Variants in STAM observed in about 807,000 individuals in gnomAD.
STAM encodes the protein signal transducing adaptor molecule.
Under a neutral mutation model 63.4 loss-of-function variants are expected in STAM, and 16 were observed. The ratio of observed to expected loss-of-function variants is 0.25; its 90% confidence interval spans 0.17 to 0.38. The LOEUF is 0.38. Ranked by LOEUF, STAM falls within the 10% of genes least tolerant of loss-of-function variation. The pLI is 1.00. For missense variants in STAM, 636 were observed against 657.1 expected, an observed-to-expected ratio of 0.97 and a Z score of 0.35; for synonymous variants, 238 against 223.9, an observed-to-expected ratio of 1.06 and a Z score of -0.56.
intron 2 of STAM, among the ~76,000 whole-genome samples, chr10:17,678,162 A>G (rs1395393625): frequency 6.6e-6 from 1 of 151,954 alleles, no homozygotes; most frequent in Admixed American, 6.6e-5. Context: ...CCACTAATCT[A>G]CTTTCTATCT....
At chr10:17,687,629 A>G (rs1039498922) in intron 4 of STAM, among the ~76,000 whole-genome samples, 1 of 152,274 alleles carries the variant, frequency 6.6e-6, no homozygotes, top group Non-Finnish European at 1.5e-5. Context: ...GAAAAAATGC[A>G]TAGTCATGAA....
intron 11 of STAM, 38 bp from the exon 12 acceptor site, chr10:17,705,550 G>A (rs782692573): frequency 2.5e-6 from 4 of 1,583,726 alleles, no homozygotes; most frequent in East Asian, 2.3e-5. Flanking sequence ...TATCATTTTA[G>A]TAACAGCTAT....
chr10:17,666,636 A>C (rs1038788388), intron 2 of STAM, among the ~76,000 whole-genome samples: 1 of 151,962 alleles, frequency 6.6e-6, no homozygotes, highest in African/African-American at 2.4e-5. Context: ...TGACCTTGTG[A>C]TCTGCCCGCC....
intron 1 of STAM, among the ~76,000 whole-genome samples, chr10:17,659,779 T>C (rs1834090894): frequency 6.6e-6 from 1 of 152,180 alleles, no homozygotes; most frequent in Non-Finnish European, 1.5e-5. Context: ...GCTGTTTTTT[T>C]CTTTATGTAG....
chr10:17,700,426 G>A (rs1835941087), intron 9 of STAM, 147 bp downstream of exon 9: 3 of 548,148 alleles, frequency 5.5e-6, no homozygotes, highest in Non-Finnish European at 3.1e-6. Flanking sequence ...AGACGATGCA[G>A]ACTGTTTTTT....
chr10:17,707,130 C>T (rs1215765087), intron 12 of STAM, among the ~76,000 whole-genome samples: 1 of 152,088 alleles, frequency 6.6e-6, no homozygotes, highest in African/African-American at 2.4e-5. Flanking sequence ...CAGATACTGG[C>T]CGGGTGCGGT....
intron 12 of STAM, among the ~76,000 whole-genome samples, chr10:17,708,407 A>G (rs1836395727): frequency 6.6e-6 from 1 of 152,248 alleles, no homozygotes; most frequent in African/African-American, 2.4e-5. Flanking sequence ...GTCTATGGCT[A>G]CAAAACAATG....
In STAM at chr10:17,708,910, C is replaced by T; in HGVS notation, c.1344C>T (p.Asn448=). The T allele has an allele frequency of 6.2e-7, 1 of 1,614,156 alleles. No individual in the cohort carries two copies. The highest frequency in any genetic ancestry group is 8.5e-7 in the Non-Finnish European group (1 of 1,180,010). Residue 448 remains asparagine (N), a synonymous_variant, in exon 13 of 14, where the codon AAC becomes AAT. Coordinates refer to ENST00000377524, the MANE Select transcript of STAM (RefSeq NM_003473.4). ...LSQAVVPPSA[N]PALPSQQTQA... ...AGGCAGTGGTCCCACCATCCGCAAACCCAGCCCTTCCTAGTCAGCAGACTC... is the reference window on the plus strand; with the variant it reads ...AGGCAGTGGTCCCACCATCCGCAAATCCAGCCCTTCCTAGTCAGCAGACTC...
At position 17,708,803 on chromosome 10, in the gene STAM, G is replaced by A; in HGVS notation, c.1237G>A (p.Ala413Thr). 1 of 1,613,918 alleles carries A rather than the reference G, an allele frequency of 6.2e-7. No individual in the cohort carries two copies. The highest frequency in any genetic ancestry group is 8.5e-7 in the Non-Finnish European group (1 of 1,179,854). ...GTATGCAGGGCCTCCTCCAAGTGGTGCCTACCTGGTTGCAGGGAACGCGCA... is the reference window on the plus strand; with the variant it reads ...GTATGCAGGGCCTCCTCCAAGTGGTACCTACCTGGTTGCAGGGAACGCGCA... Reference protein sequence around the residue: ...QVYAGPPPSGAYLVAGNAQMS... With the variant: ...QVYAGPPPSGTYLVAGNAQMS... Residue 413 changes from alanine (A) to threonine (T), a missense_variant, in exon 13 of 14, where the codon GCC (alanine) becomes ACC (threonine). Ala to Thr is a moderately conservative substitution (Grantham distance 58). This residue lies in a region of STAM where 532 missense variants were observed against 536.9 expected (regional missense o/e 0.99). Transcript: ENST00000377524.
At chr10:17,687,916 C>G in intron 4 of STAM, 111 bp from the exon 5 acceptor site, 1 of 882,256 alleles carries the variant, frequency 1.1e-6, no homozygotes, top group Non-Finnish European at 1.6e-6. Context: ...TATAGCTATG[C>G]ATAACTTGTG....
chr10:17,700,734 A>G (rs567377015), intron 9 of STAM, among the ~76,000 whole-genome samples: 2 of 152,302 alleles, frequency 1.3e-5, no homozygotes, highest in South Asian at 2.1e-4. Context: ...ACTCGTATTC[A>G]TATCATGCGA....
chr10:17,714,874 T>G lies in STAM; in HGVS notation c.*94T>G. 8.3e-7 allele frequency: 1 copy of G among 1,210,104 alleles called. No individual in the cohort carries two copies. Among genetic ancestry groups the G allele is most frequent in the Non-Finnish European group, 1.2e-6 (1 of 825,212 alleles). 75.0% of individuals were successfully genotyped at this position (1,210,104 alleles called of 1,614,324 possible). ...ATCTTAAGATGTGTTTATCCTCAGCTTATAGGAATCTCTCCAGGTCAACAG... is the reference window on the plus strand; with the variant it reads ...ATCTTAAGATGTGTTTATCCTCAGCGTATAGGAATCTCTCCAGGTCAACAG... On this transcript the variant is annotated 3_prime_UTR_variant, in exon 14 of 14. Coordinates refer to ENST00000377524, the MANE Select transcript of STAM (RefSeq NM_003473.4).
At chr10:17,662,215 T>G (rs1409873232) in intron 2 of STAM, among the ~76,000 whole-genome samples, 1 of 152,180 alleles carries the variant, frequency 6.6e-6, no homozygotes, top group East Asian at 1.9e-4. Context: ...CATTTTCATT[T>G]TTTTCCCTCC....
chr10:17,667,747 G>A (rs1238085785), intron 2 of STAM, among the ~76,000 whole-genome samples: 3 of 152,206 alleles, frequency 2.0e-5, no homozygotes, highest in East Asian at 1.9e-4. Flanking sequence ...AGGGGGTTAC[G>A]TTTATGCTAT....
chr10:17,650,751 C>T (rs568035686), intron 1 of STAM, among the ~76,000 whole-genome samples: 14 of 152,164 alleles, frequency 9.2e-5, no homozygotes, highest in African/African-American at 3.1e-4. Flanking sequence ...TGAATGTACG[C>T]GTGGCCCCTC....
In STAM at chr10:17,708,850, C is replaced by T. The variant is rs201938565; in HGVS notation, c.1284C>T (p.Tyr428=). 9.9e-6 allele frequency: 16 copies of T among 1,614,176 alleles called. No homozygotes were observed. In the East Asian group the frequency reaches 2.5e-4, roughly 25 times the overall value. Reference sequence around the variant, plus strand: ...CGCAGATGAGCCACCTCCAGAGCTACAGTCTTCCCCCGGAGCAGCTGTCTT... The same window carrying T: ...CGCAGATGAGCCACCTCCAGAGCTATAGTCTTCCCCCGGAGCAGCTGTCTT... ...GNAQMSHLQS[Y]SLPPEQLSSL... is the part of the protein sequence containing the mutation. The change falls in exon 13 of 14, where the codon TAC becomes TAT. Residue 428 remains tyrosine (Y), a synonymous_variant. Transcript: ENST00000377524.
intron 2 of STAM, among the ~76,000 whole-genome samples, chr10:17,683,918 T>G (rs1589071599): frequency 6.6e-6 from 1 of 152,230 alleles, no homozygotes; most frequent in East Asian, 1.9e-4. Flanking sequence ...TTGGACTTTA[T>G]TTTTTCAGAA....
chr10:17,648,926 G>C (rs1380410542), intron 1 of STAM, among the ~76,000 whole-genome samples: 2 of 152,024 alleles, frequency 1.3e-5, no homozygotes, highest in Non-Finnish European at 2.9e-5. Flanking sequence ...TCACTCTCTT[G>C]AATTCCAGGC....
At chr10:17,695,409 T>C (rs1263448025) in intron 7 of STAM, among the ~76,000 whole-genome samples, 168 bp downstream of exon 7, 1 of 152,206 alleles carries the variant, frequency 6.6e-6, no homozygotes, top group East Asian at 1.9e-4. Flanking sequence ...TGGATTCTTA[T>C]TTTGTTGTTT....
Sources: gnomAD v4.1 joint callset for allele counts (sites outside exome capture counted in the v4.1 genomes callset) on GRCh38, gnomAD v4.1.1 for gene constraint, gnomAD v4.1.1 regional missense constraint, MANE v1.5 for transcripts, NCBI Gene and HGNC (gene_info 2026-07-23, HGNC 2026-07-21) for gene names.